Variants in ARHGEF4 observed in about 807,000 individuals in gnomAD.
ARHGEF4 encodes the protein APC-stimulated guanine nucleotide exchange factor 1.
ARHGEF4 carries 119 observed loss-of-function variants against 162.0 expected under a neutral mutation model. That is an observed-to-expected ratio of 0.73 (90% CI 0.63 to 0.86). The LOEUF (loss-of-function observed/expected upper bound fraction) is 0.86, where lower values mean the gene tolerates loss of function less well. Ranked by LOEUF, ARHGEF4 falls within the 40% of genes least tolerant of loss-of-function variation. ARHGEF4 has a pLI of 0.00. For synonymous variants in ARHGEF4, 1,014 were observed against 979.9 expected (o/e 1.03, Z -0.65); for missense variants, 2,488 against 2,456.0 (o/e 1.01, Z -0.28).
intron 4 of ARHGEF4, among the ~76,000 whole-genome samples, chr2:131,020,354 A>C (rs1289104795): frequency 4.5e-4 from 39 of 87,160 alleles, no homozygotes; most frequent in Non-Finnish European, 4.3e-5. Context: ...CCCACCCCAC[A>C]ACAGGCCCCA....
intron 4 of ARHGEF4, among the ~76,000 whole-genome samples, chr2:131,013,493 A>G (rs1688602471): frequency 6.6e-6 from 1 of 152,218 alleles, no homozygotes; most frequent in African/African-American, 2.4e-5. Context: ...CTCAAACGTT[A>G]GAGTTTCTCA....
intron 3 of ARHGEF4, among the ~76,000 whole-genome samples, chr2:130,934,031 C>G (rs1379909674): frequency 6.6e-6 from 1 of 152,154 alleles, no homozygotes; most frequent in Non-Finnish European, 1.5e-5. Context: ...TTCAGTCTTT[C>G]ACTATTGTGT....
intron 10 of ARHGEF4, 110 bp from the exon 11 acceptor site, chr2:131,043,342 C>T: frequency 1.2e-5 from 18 of 1,459,958 alleles, no homozygotes; most frequent in Non-Finnish European, 1.6e-5. Flanking sequence ...GCCAGGTGGG[C>T]GCTGCAGGCA....
chr2:130,876,088 G>C (rs1383537744), intron 1 of ARHGEF4, among the ~76,000 whole-genome samples: 1 of 152,140 alleles, frequency 6.6e-6, no homozygotes, highest in Non-Finnish European at 1.5e-5. Context: ...TTACCTTCTA[G>C]TTGGTTCAGC....
chr2:130,849,305 A>T (rs753400482), intron 1 of ARHGEF4, among the ~76,000 whole-genome samples: 4 of 152,234 alleles, frequency 2.6e-5, no homozygotes, highest in Admixed American at 2.0e-4. Flanking sequence ...AGAGAGATGC[A>T]GGCAGGGCTG....
chr2:130,838,820 G>A (rs1025286016), intron 1 of ARHGEF4, among the ~76,000 whole-genome samples: 3 of 152,204 alleles, frequency 2.0e-5, no homozygotes, highest in African/African-American at 7.2e-5. Context: ...GAGTCACCCA[G>A]CTGGCCCCAG....
At chr2:130,960,672 A>G (rs1483082962) in intron 4 of ARHGEF4, among the ~76,000 whole-genome samples, 1 of 152,192 alleles carries the variant, frequency 6.6e-6, no homozygotes, top group African/African-American at 2.4e-5. Context: ...CTCTTTTAAT[A>G]GTATCAGAAG....
chr2:130,927,771 C>G (rs1030606487), intron 2 of ARHGEF4, among the ~76,000 whole-genome samples: 1 of 152,180 alleles, frequency 6.6e-6, no homozygotes, highest in African/African-American at 2.4e-5. Context: ...AGCTGGTCTA[C>G]TTTCTTCTCG....
chr2:130,945,228 G>T, intron 3 of ARHGEF4, among the ~76,000 whole-genome samples: 1 of 151,934 alleles, frequency 6.6e-6, no homozygotes, highest in African/African-American at 2.4e-5. Flanking sequence ...GTGTCTAGGA[G>T]CCCTCCTTTC....
chr2:130,920,078 T>G (rs6716312), intron 2 of ARHGEF4, among the ~76,000 whole-genome samples: 85,995 of 151,146 alleles, frequency 0.57, 27,106 homozygotes, highest in East Asian at 0.81. Flanking sequence ...TTTGTTGGGG[T>G]TTTTTTTTGT....
intron 4 of ARHGEF4, among the ~76,000 whole-genome samples, chr2:130,954,374 C>CGG (rs1351187462): frequency 6.6e-6 from 1 of 151,970 alleles, no homozygotes; most frequent in East Asian, 1.9e-4. Context: ...GGACACAGGG[C>CGG]GGGGAACATC....
intron 1 of ARHGEF4, among the ~76,000 whole-genome samples, chr2:130,848,580 C>T (rs966801365): frequency 3.3e-5 from 5 of 152,164 alleles, no homozygotes; most frequent in Admixed American, 1.3e-4. Context: ...GACCAGTGGA[C>T]GGCAGGGAGG....
Position 130,914,990 on chromosome 2 carries a change from C to T in ARHGEF4, c.1044C>T (p.Pro348=), listed in dbSNP as rs764859824. 54 of 1,550,496 alleles carry T rather than the reference C, an allele frequency of 3.5e-5. No individual in the cohort carries two copies. The East Asian group carries it at 6.8e-4, about 20-fold the overall frequency. Residue 348 remains proline (P), a synonymous_variant, in exon 2 of 14, where the codon CCC becomes CCT. Coordinates refer to ENST00000409359, the MANE Select transcript of ARHGEF4 (RefSeq NM_001367493.1). ...HSIAGFSPEC[P]EDPVGQNVVK... ...TAGCAGGGTTTTCACCAGAGTGCCCCGAGGATCCCGTGGGACAGAATGTTG... is the reference window on the plus strand; with the variant it reads ...TAGCAGGGTTTTCACCAGAGTGCCCTGAGGATCCCGTGGGACAGAATGTTG...
intron 4 of ARHGEF4, among the ~76,000 whole-genome samples, chr2:130,978,593 T>C (rs1322121242): frequency 6.6e-6 from 1 of 152,190 alleles, no homozygotes; most frequent in African/African-American, 2.4e-5. Flanking sequence ...AAAGAAAACA[T>C]GGTCTTTGTG....
chr2:130,844,326 T>C (rs1048358806), intron 1 of ARHGEF4, among the ~76,000 whole-genome samples: 2 of 152,210 alleles, frequency 1.3e-5, no homozygotes, highest in African/African-American at 4.8e-5. Context: ...GGGATGGTGC[T>C]GCCTGTGAGG....
Position 130,915,964 on chromosome 2 carries a change from C to A in ARHGEF4, c.2018C>A (p.Thr673Asn). 3 of 1,550,550 alleles carry A rather than the reference C, an allele frequency of 1.9e-6. No individual in the cohort carries two copies. Among genetic ancestry groups the A allele is most frequent in the Non-Finnish European group, 2.6e-6 (3 of 1,146,982 alleles). Reference sequence around the variant, plus strand: ...GAATCTCCCTTGAGCACTGGCGAGACCCCCTGTGAGTCTCCCACTAGGGGG... The same window carrying A: ...GAATCTCCCTTGAGCACTGGCGAGAACCCCTGTGAGTCTCCCACTAGGGGG... Reference protein sequence around the residue: ...RPESPLSTGETPCESPTRGKT... With the variant: ...RPESPLSTGENPCESPTRGKT... The change falls in exon 2 of 14, where the codon ACC becomes AAC. Residue 673 changes from threonine (T) to asparagine (N), a missense_variant. Physicochemically the swap from Thr to Asn is moderately conservative, Grantham distance 65. Coordinates refer to ENST00000409359, the MANE Select transcript of ARHGEF4 (RefSeq NM_001367493.1).
intron 4 of ARHGEF4, among the ~76,000 whole-genome samples, chr2:130,974,967 T>A (rs13010761): frequency 0.95 from 144,197 of 152,166 alleles, 68,771 homozygotes; most frequent in East Asian, 1. Flanking sequence ...CATCAGTATA[T>A]TATTTGATAC....
chr2:130,866,759 T>C (rs957683721), intron 1 of ARHGEF4, among the ~76,000 whole-genome samples: 2 of 152,200 alleles, frequency 1.3e-5, no homozygotes, highest in Non-Finnish European at 2.9e-5. Context: ...TTTGATACAT[T>C]GGTGGATTCC....
chr2:130,881,605 G>C (rs755691392), intron 1 of ARHGEF4, among the ~76,000 whole-genome samples: 19 of 152,076 alleles, frequency 1.2e-4, no homozygotes, highest in Non-Finnish European at 2.6e-4. Context: ...AGAGACTACA[G>C]CTGTGCGTGA....
Sources: allele counts gnomAD v4.1 joint callset (sites outside exome capture counted in the v4.1 genomes callset), GRCh38; gene constraint gnomAD v4.1.1; transcripts MANE v1.5; gene names NCBI Gene and HGNC (gene_info 2026-07-23, HGNC 2026-07-21).